Variants in LIMCH1 observed in about 807,000 individuals in gnomAD.
LIMCH1 encodes LIM and calponin homology domains 1, also known as LIM and calponin homology domains-containing protein 1.
In LIMCH1, 113 loss-of-function variants were observed where a neutral mutation model predicts 176.5. The observed-to-expected ratio is 0.64, with a 90% confidence interval of 0.55 to 0.75. The LOEUF is 0.75. Among genes scored for constraint, LIMCH1 ranks in the 30% least tolerant of loss-of-function variants. The pLI, the probability that LIMCH1 is intolerant of heterozygous loss-of-function variation, is 0.00. For synonymous variants in LIMCH1, 619 were observed against 645.9 expected (o/e 0.96, Z 0.63); for missense variants, 1,674 against 1,814.9 (o/e 0.92, Z 1.41).
chr4:41,367,682 TCCAAAAAAA>T (rs1270951279), intron 1 of LIMCH1, among the ~76,000 whole-genome samples: 4 of 60,908 alleles, frequency 6.6e-5, no homozygotes, highest in Non-Finnish European at 1.2e-4. Flanking sequence ...CTACTAAAAA[TCCAAAAAAA>T]AAAAAAAAAA....
intron 2 of LIMCH1, among the ~76,000 whole-genome samples, chr4:41,600,198 A>G (rs1320850909): frequency 6.6e-6 from 1 of 152,204 alleles, no homozygotes; most frequent in African/African-American, 2.4e-5. Context: ...ATTTTAACTA[A>G]GCGAAAAAAT....
chr4:41,510,124 C>T (rs1022514466), intron 2 of LIMCH1, among the ~76,000 whole-genome samples: 1 of 151,332 alleles, frequency 6.6e-6, no homozygotes, highest in Non-Finnish European at 1.5e-5. Context: ...GCAGAATTGT[C>T]ACTTGGAACC....
chr4:41,601,550 G>A (rs1260536717), intron 2 of LIMCH1, among the ~76,000 whole-genome samples: 1 of 152,182 alleles, frequency 6.6e-6, no homozygotes, highest in Non-Finnish European at 1.5e-5. Flanking sequence ...GTGGTTGAAG[G>A]ATAATGTGTA....
chr4:41,440,450 T>C (rs886770498), intron 1 of LIMCH1, among the ~76,000 whole-genome samples: 1 of 152,200 alleles, frequency 6.6e-6, no homozygotes, highest in Non-Finnish European at 1.5e-5. Flanking sequence ...AATGGTACCA[T>C]TGGGTTTCTT....
intron 5 of LIMCH1, among the ~76,000 whole-genome samples, chr4:41,616,419 C>G (rs1460981644): frequency 3.3e-5 from 5 of 152,038 alleles, no homozygotes; most frequent in Admixed American, 3.3e-4. Flanking sequence ...ATTCCAGCTA[C>G]TCAGGAGGCT....
intron 2 of LIMCH1, among the ~76,000 whole-genome samples, chr4:41,516,867 A>T (rs2075635383): frequency 6.6e-6 from 1 of 152,196 alleles, no homozygotes; most frequent in Non-Finnish European, 1.5e-5. Flanking sequence ...GGAGGGAAGT[A>T]TGTGCCCAGG....
Position 41,415,901 on chromosome 4 carries a change from C to T in LIMCH1, c.96+54965C>T, listed in dbSNP as rs1166705238. On this transcript the variant is annotated intron_variant, in intron 1 of 26. Transcript: ENST00000313860. Reference sequence around the variant, plus strand: ...CTGAGGCAGGAGAATCGCTTGAACCCGGGAGGTGGAGGTTGCAGTGAGCCA... The same window carrying T: ...CTGAGGCAGGAGAATCGCTTGAACCTGGGAGGTGGAGGTTGCAGTGAGCCA... 7.3e-5 allele frequency among the ~76,000 whole-genome samples: 11 copies of T among 151,706 alleles called. No homozygotes were observed. The East Asian group carries it at 1.4e-3, about 19-fold the overall frequency.
intron 1 of LIMCH1, among the ~76,000 whole-genome samples, chr4:41,552,206 T>C (rs563387387): frequency 7.9e-5 from 12 of 152,196 alleles, no homozygotes; most frequent in African/African-American, 2.9e-4. Context: ...CTCCCACAAC[T>C]TGTGGGGATT....
intron 1 of LIMCH1, among the ~76,000 whole-genome samples, chr4:41,583,156 G>A (rs1285583357): frequency 6.6e-6 from 1 of 152,146 alleles, no homozygotes; most frequent in African/African-American, 2.4e-5. Flanking sequence ...GGCACACTTA[G>A]GGCTAGGTTG....
At chr4:41,603,374 G>C (rs1051148446) in intron 2 of LIMCH1, among the ~76,000 whole-genome samples, 1 of 152,176 alleles carries the variant, frequency 6.6e-6, no homozygotes, top group African/African-American at 2.4e-5. Flanking sequence ...CTTATTCCCA[G>C]TGCTAATTTA....
chr4:41,462,766 A>G (rs181864832), intron 1 of LIMCH1, among the ~76,000 whole-genome samples: 6 of 152,342 alleles, frequency 3.9e-5, no homozygotes, highest in Admixed American at 3.3e-4. Context: ...CTTGGATATG[A>G]AACATAAAAG....
intron 1 of LIMCH1, among the ~76,000 whole-genome samples, chr4:41,594,372 C>T (rs947570680): frequency 6.6e-6 from 1 of 152,154 alleles, no homozygotes. Flanking sequence ...TATAGTAAAG[C>T]AGTGTCTTGT....
At chr4:41,696,157 A>G (rs771311430) in intron 31 of LIMCH1, among the ~76,000 whole-genome samples, 1 of 152,222 alleles carries the variant, frequency 6.6e-6, no homozygotes, top group Non-Finnish European at 1.5e-5. Context: ...GCATATTAAA[A>G]TGCAACTCCT....
chr4:41,666,805 G>A, intron 21 of LIMCH1, 139 bp downstream of exon 21: 1 of 622,570 alleles, frequency 1.6e-6, no homozygotes, highest in South Asian at 2.0e-5. Flanking sequence ...TGTGATAGCT[G>A]AATTTATGAC....
At chr4:41,455,709 C>T (rs1304169444) in intron 1 of LIMCH1, among the ~76,000 whole-genome samples, 2 of 152,188 alleles carry the variant, frequency 1.3e-5, no homozygotes, top group Non-Finnish European at 2.9e-5. Flanking sequence ...TTAGTTGCTT[C>T]GACTCAGCGC....
chr4:41,544,693 A>T (rs1020806101), intron 1 of LIMCH1, among the ~76,000 whole-genome samples: 8 of 152,150 alleles, frequency 5.3e-5, no homozygotes, highest in Admixed American at 2.6e-4. Flanking sequence ...GTGGAGCTGC[A>T]ACATCAAAGC....
At chr4:41,670,871 C>T in intron 21 of LIMCH1, 1 of 1,502,656 alleles carries the variant, frequency 6.7e-7, no homozygotes, top group South Asian at 1.3e-5. Context: ...TGGCACTTGT[C>T]TTCATTTCTG....
rs1194485144 is a variant in LIMCH1 at position 41,632,731 on chromosome 4, C to G, written c.1602-18C>G. The G allele has an allele frequency of 2.6e-6, 4 of 1,527,002 alleles. No individual in the cohort carries two copies. Among genetic ancestry groups the G allele is most frequent in the Admixed American group, 2.0e-5 (1 of 50,998 alleles). The allele number at this position is 1,527,002 out of a possible 1,614,324, so 94.6% of individuals were successfully genotyped here. ...TTCCTCTCCTCTCTTGCCACCAATG[C>G]TACTTGATCGTCTGCAGAACAATGA... On this transcript the variant is annotated intron_variant, in intron 10 of 31. Transcript: ENST00000503057.
At chr4:41,609,715 A>G (rs1275197336) in intron 4 of LIMCH1, 2 of 452,708 alleles carry the variant, frequency 4.4e-6, no homozygotes, top group Non-Finnish European at 8.9e-6. Context: ...TCATTAACAT[A>G]CTTTAACTAG....
Sources: allele counts gnomAD v4.1 joint callset (sites outside exome capture counted in the v4.1 genomes callset), GRCh38; gene constraint gnomAD v4.1.1; transcripts MANE v1.5; gene names NCBI Gene and HGNC (gene_info 2026-07-23, HGNC 2026-07-21).